The following CAMSAP3 variants were observed in gnomAD, a reference collection of about 807,000 sequenced individuals.
CAMSAP3 encodes calmodulin-regulated spectrin-associated protein 3.
A neutral mutation model predicts 112.5 loss-of-function variants in CAMSAP3; 34 were observed. The observed-to-expected ratio is 0.30, with a 90% CI of 0.23 to 0.40. The LOEUF is 0.40. Among genes scored for constraint, CAMSAP3 ranks in the 10% least tolerant of loss-of-function variants. The pLI is 1.00. For missense variants in CAMSAP3, 1,602 were observed against 1,770.3 expected (o/e 0.90, Z 1.71); for synonymous variants, 868 against 799.8 (o/e 1.09, Z -1.44).
At chr19:7,604,343 G>C (rs117166939) in intron 1 of CAMSAP3, among the ~76,000 whole-genome samples, 1 of 152,050 alleles carries the variant, frequency 6.6e-6, no homozygotes, top group South Asian at 2.1e-4. Context: ...ACCTCAGGCT[G>C]TCTCTATGAT....
rs576871568 is a variant in CAMSAP3 at position 7,615,403 on chromosome 19, C to T, written c.2811-15C>T. ...CCCGTGAGCGGTTCTGATGCCGATTCCCTGTGATCTGCAGGCTGGCCCAAG... is the reference window on the plus strand; with the variant it reads ...CCCGTGAGCGGTTCTGATGCCGATTTCCTGTGATCTGCAGGCTGGCCCAAG... On this transcript the variant is annotated splice_polypyrimidine_tract_variant and intron_variant, in intron 12 of 16. Transcript: ENST00000160298. The surrounding 1 kb of genome is among the most constrained non-coding windows in gnomAD (Gnocchi z 6.5). 1 of 1,539,460 alleles carries T rather than the reference C, an allele frequency of 6.5e-7. No individual in the cohort carries two copies. The highest frequency in any genetic ancestry group is 1.4e-5 in the African/African-American group (1 of 72,996).
Position 7,616,543 on chromosome 19 carries a change from T to C in CAMSAP3, c.3133T>C (p.Tyr1045His). 2 of 1,613,350 alleles carry C rather than the reference T, an allele frequency of 1.2e-6. No homozygotes were observed. Among genetic ancestry groups the C allele is most frequent in the Non-Finnish European group, 1.7e-6 (2 of 1,179,778 alleles). ...CCCAGGCTCTCGGCTGAGCAAAATC[T>C]ATTCCCAGTCCACCCTGTCACTGTC... is the stretch of plus-strand genomic sequence containing the variant. Reference protein sequence around the residue: ...GLLGSRLSKIYSQSTLSLSTV... With the variant: ...GLLGSRLSKIHSQSTLSLSTV... The change falls in exon 14 of 17, where the codon TAT (tyrosine) becomes CAT (histidine). Residue 1045 changes from tyrosine to histidine, a missense_variant. Physicochemically the swap from Tyr to His is moderately conservative, Grantham distance 83. Transcript: ENST00000160298.
In CAMSAP3 at chr19:7,615,427, A is replaced by G. The variant is rs1292580924; in HGVS notation, c.2820A>G (p.Gln940=). The G allele has an allele frequency of 1.9e-6, 3 of 1,541,002 alleles. No individual in the cohort carries two copies. The Admixed American group carries it at 5.9e-5, about 30-fold the overall frequency. ...TCCCTGTGATCTGCAGGCTGGCCCA[A>G]GAGGAGGCCCCGGGCCCAGCCCCGC... ...QRREEAARLA[Q]EEAPGPAPLV... is the part of the protein sequence containing the mutation. Residue 940 remains glutamine, a synonymous_variant, in exon 13 of 17, where the codon CAA becomes CAG. Transcript: ENST00000160298. This position sits in a 1 kb window ranked among gnomAD's most constrained non-coding sequence, Gnocchi z 6.5.
chr19:7,615,717 T>C lies in CAMSAP3; in HGVS notation c.3110T>C (p.Leu1037Pro). 1.4e-6 allele frequency: 2 copies of C among 1,386,624 alleles called. No individual in the cohort carries two copies. The highest frequency in any genetic ancestry group is 1.9e-6 in the Non-Finnish European group (2 of 1,077,138). 85.9% of individuals were successfully genotyped at this position (1,386,624 alleles called of 1,614,324 possible). ...GCACGAAGCCCAGCCCGCGGCCTGCTGGGTGAGGACCCTTGGGGGACGGGG... is the reference window on the plus strand; with the variant it reads ...GCACGAAGCCCAGCCCGCGGCCTGCCGGGTGAGGACCCTTGGGGGACGGGG... The part of the protein sequence containing the change: ...ALARSPARGL[L>P]GSRLSKIYSQ... The change falls in exon 13 of 17, where the codon CTG becomes CCG. Residue 1037 changes from leucine (L) to proline (P), a missense_variant and splice_region_variant. Transcript: ENST00000160298. This position sits in a 1 kb window ranked among gnomAD's most constrained non-coding sequence, Gnocchi z 6.5.
At chr19:7,606,223 C>CGCCTCCTGCAGCTCTCA in intron 2 of CAMSAP3, 48 bp from the exon 3 acceptor site, 1 of 1,353,204 alleles carries the variant, frequency 7.4e-7, no homozygotes, top group Non-Finnish European at 9.8e-7. Flanking sequence ...GGCCGAGGTG[C>CGCCTCCTGCAGCTCTCA]GCCTCCTGCA....
At chr19:7,603,677 C>A (rs925898420) in intron 1 of CAMSAP3, among the ~76,000 whole-genome samples, 8 of 152,088 alleles carry the variant, frequency 5.3e-5, no homozygotes. Context: ...GTGAGGCTTC[C>A]ATCTTTATAA....
Position 7,612,000 on chromosome 19 carries a change from G to A in CAMSAP3, c.1507G>A (p.Glu503Lys). Residue 503 changes from glutamate (E) to lysine (K), a missense_variant, in exon 11 of 17, where the codon GAG (glutamate) becomes AAG (lysine). By Grantham distance (56) the Glu-to-Lys change is moderately conservative. Transcript: ENST00000160298. The surrounding 1 kb of genome is among the most constrained non-coding windows in gnomAD (Gnocchi z 6.9). ...ATCCCTGGCCTCCCCCTACCTGCCC[G>A]AGGGGACCTCCAAACCACTGTCCGA... ...KPSLASPYLPEGTSKPLSDRP... is the reference protein window; with the variant it reads ...KPSLASPYLPKGTSKPLSDRP... 1 of 1,612,696 alleles carries A rather than the reference G, an allele frequency of 6.2e-7. No individual in the cohort carries two copies. Among genetic ancestry groups the A allele is most frequent in the East Asian group, 2.2e-5 (1 of 44,872 alleles).
intron 4 of CAMSAP3, 129 bp downstream of exon 4, chr19:7,606,700 C>G (rs954449363): frequency 1.9e-6 from 3 of 1,593,458 alleles, no homozygotes; most frequent in Non-Finnish European, 2.6e-6. Flanking sequence ...TTCTTCCCCC[C>G]TCTCTCAATC....
In CAMSAP3 at chr19:7,611,014, G is replaced by C. The variant is rs1036099963; in HGVS notation, c.1050-81G>C. On this transcript the variant is annotated intron_variant, in intron 8 of 16. Transcript: ENST00000160298. The surrounding 1 kb of genome is among the most constrained non-coding windows in gnomAD (Gnocchi z 6.9). ...CCTTGCTGAGCACTGGGACGCAGCT[G>C]GGTGATGCTGTTGTCTCCCCCCGGG... The C allele has an allele frequency of 5.0e-6, 8 of 1,590,376 alleles. No individual in the cohort carries two copies. Among genetic ancestry groups the C allele is most frequent in the Non-Finnish European group, 6.9e-6 (8 of 1,161,498 alleles).
rs748688250 is a variant in CAMSAP3, at chr19:7,606,522, G to A, written c.572G>A (p.Arg191Gln). 9.0e-6 allele frequency: 14 copies of A among 1,559,840 alleles called. No individual in the cohort carries two copies. Among genetic ancestry groups the A allele is most frequent in the Non-Finnish European group, 1.2e-5 (14 of 1,160,396 alleles). ...AAGACCGAGCAGGAAGCGGCCCAGC[G>A]AGCCTCTCCAGCAGCCCCTGCAGAC... ...QEKTEQEAAQ[R>Q]ASPAAPADGA... Residue 191 changes from arginine (R) to glutamine (Q), a missense_variant, in exon 4 of 17, where the codon CGA becomes CAA. Physicochemically the swap from Arg to Gln is conservative, Grantham distance 43. This residue lies in a region of CAMSAP3 where 112 missense variants were observed against 94.2 expected (regional missense o/e 1.19). Coordinates refer to ENST00000160298, the MANE Select transcript of CAMSAP3 (RefSeq NM_020902.2).
rs528088942 is a variant in CAMSAP3, at chr19:7,606,207, C to T, written c.403-64C>T. On this transcript the variant is annotated intron_variant, in intron 2 of 16. Coordinates refer to ENST00000160298, the MANE Select transcript of CAMSAP3 (RefSeq NM_020902.2). ...TGCAGGTTCTTCCTTTTCCCAGGCCCTTGGGGGCCGAGGTGCGCCTCCTGC... is the reference window on the plus strand; with the variant it reads ...TGCAGGTTCTTCCTTTTCCCAGGCCTTTGGGGGCCGAGGTGCGCCTCCTGC... 31 of 1,581,022 alleles carry T rather than the reference C, an allele frequency of 2.0e-5. No individual in the cohort carries two copies. The South Asian group carries it at 3.2e-4, about 16-fold the overall frequency.
rs2030563766 is a variant in CAMSAP3 at position 7,612,669 on chromosome 19, C to T, written c.2176C>T (p.Arg726Trp). ...GCAGAGGCTCACGGACCAGCAGCAG[C>T]GGCTCCTGGCCCCGCCCGAGGCCCC... ...DMQRLTDQQQ[R>W]LLAPPEAPGS... The change falls in exon 11 of 17, where the codon CGG becomes TGG. Residue 726 changes from arginine (R) to tryptophan (W), a missense_variant. Arg to Trp is a moderately radical substitution (Grantham distance 101). Around this residue, in one of 6 missense-constraint regions of CAMSAP3, gnomAD observed 1,100 missense variants for 1,135.7 expected, o/e 0.97. Coordinates refer to ENST00000160298, the MANE Select transcript of CAMSAP3 (RefSeq NM_020902.2). 2 of 1,511,684 alleles carry T rather than the reference C, an allele frequency of 1.3e-6. No homozygotes were observed. The highest frequency in any genetic ancestry group is 1.8e-6 in the Non-Finnish European group (2 of 1,131,916). 93.6% of individuals were successfully genotyped at this position (1,511,684 alleles called of 1,614,324 possible).
chr19:7,609,352 G>A (rs2030364883), intron 5 of CAMSAP3, among the ~76,000 whole-genome samples: 2 of 151,764 alleles, frequency 1.3e-5, no homozygotes, highest in South Asian at 4.2e-4. Context: ...AATAGAGATG[G>A]GGTCTTGCTA....
At position 7,611,813 on chromosome 19, in the gene CAMSAP3, C is replaced by T. The variant is rs754549842; in HGVS notation, c.1320C>T (p.Pro440=). ...CGGACAGCCTGGGCCCCCCGCGTCC[C>T]GCGCCGGCCAGGACCCCCACCCAGC... ...VSSDSLGPPR[P]APARTPTQPP... Residue 440 remains proline (P), a synonymous_variant, in exon 11 of 17, where the codon CCC becomes CCT. Coordinates refer to ENST00000160298, the MANE Select transcript of CAMSAP3 (RefSeq NM_020902.2). This position sits in a 1 kb window ranked among gnomAD's most constrained non-coding sequence, Gnocchi z 6.9. 9 of 1,593,522 alleles carry T rather than the reference C, an allele frequency of 5.6e-6. No homozygotes were observed. The African/African-American group carries it at 6.7e-5, about 12-fold the overall frequency.
Position 7,613,162 on chromosome 19 carries a change from A to G in CAMSAP3, c.2669A>G (p.Lys890Arg). Reference sequence around the variant, plus strand: ...CGGGTGGGGCTGGGGTTCTTCTACAAGGTGAGTCCCCGAGCAGGTGGCTGG... The same window carrying G: ...CGGGTGGGGCTGGGGTTCTTCTACAGGGTGAGTCCCCGAGCAGGTGGCTGG... ...EPRVGLGFFY[K>R]DEDKPEDEMA... is the part of the protein sequence containing the mutation. The change falls in exon 11 of 17, where the codon AAG (lysine) becomes AGG (arginine). Residue 890 changes from lysine (K) to arginine (R), a missense_variant and splice_region_variant. By Grantham distance (26) the Lys-to-Arg change is conservative. Around this residue, in one of 6 missense-constraint regions of CAMSAP3, gnomAD observed 1,100 missense variants for 1,135.7 expected, o/e 0.97. Transcript: ENST00000160298. 7.9e-7 allele frequency: 1 copy of G among 1,263,398 alleles called. No individual in the cohort carries two copies. Among genetic ancestry groups the G allele is most frequent in the Non-Finnish European group, 1.0e-6 (1 of 981,462 alleles). 78.3% of individuals were successfully genotyped at this position (1,263,398 alleles called of 1,614,324 possible).
Position 7,615,533 on chromosome 19 carries a change from G to A in CAMSAP3, c.2926G>A (p.Asp976Asn), listed in dbSNP as rs1430671567. The A allele has an allele frequency of 1.3e-6, 2 of 1,533,972 alleles. No individual in the cohort carries two copies. Among genetic ancestry groups the A allele is most frequent in the African/African-American group, 1.4e-5 (1 of 72,264 alleles). ...GGAGGAGGTGGGCCCCCGGAAGGGG[G>A]ACTTCACGCGGCAGGAGTACGAGCG... ...AEEEVGPRKG[D>N]FTRQEYERRA... Residue 976 changes from aspartate to asparagine, a missense_variant, in exon 13 of 17, where the codon GAC becomes AAC. Physicochemically the swap from Asp to Asn is conservative, Grantham distance 23. Around this residue, in one of 6 missense-constraint regions of CAMSAP3, gnomAD observed 1,100 missense variants for 1,135.7 expected, o/e 0.97. Coordinates refer to ENST00000160298, the MANE Select transcript of CAMSAP3 (RefSeq NM_020902.2). This position sits in a 1 kb window ranked among gnomAD's most constrained non-coding sequence, Gnocchi z 6.5.
intron 4 of CAMSAP3, among the ~76,000 whole-genome samples, chr19:7,606,968 C>T (rs370129901): frequency 1.3e-5 from 2 of 152,222 alleles, no homozygotes; most frequent in South Asian, 2.1e-4. Flanking sequence ...GGGAGAACCC[C>T]TCTGTGAACC....
chr19:7,605,147 G>GGTTGTGTGTGTGTGTGTGT (rs1555758284), intron 1 of CAMSAP3, 79 bp from the exon 2 acceptor site: 3 of 624,568 alleles, frequency 4.8e-6, no homozygotes, highest in Non-Finnish European at 7.7e-6. Context: ...CGGGCCATGT[G>GGTTGTGTGTGTGTGTGTGT]GTGTGTGTGT....
At position 7,615,639 on chromosome 19, in the gene CAMSAP3, G is replaced by A. The variant is rs768844977; in HGVS notation, c.3032G>A (p.Gly1011Asp). 1.4e-6 allele frequency: 2 copies of A among 1,433,218 alleles called. No individual in the cohort carries two copies. Among genetic ancestry groups the A allele is most frequent in the East Asian group, 2.7e-5 (1 of 36,962 alleles). The allele number at this position is 1,433,218 out of a possible 1,614,324, so 88.8% of individuals were successfully genotyped here. Residue 1011 changes from glycine (G) to aspartate (D), a missense_variant, in exon 13 of 17, where the codon GGC (glycine) becomes GAC (aspartate). By Grantham distance (94) the Gly-to-Asp change is moderately conservative (BLOSUM62 -1). Transcript: ENST00000160298. The surrounding 1 kb of genome is among the most constrained non-coding windows in gnomAD (Gnocchi z 6.5). The part of the protein sequence containing the change: ...RAAGSGGPGR[G>D]GRRATRPRSG... ...GCGGGGTCCGGGGGTCCAGGTCGGG[G>A]CGGGCGGAGGGCCACCCGGCCTCGC...
Sources: allele counts gnomAD v4.1 joint callset (sites outside exome capture counted in the v4.1 genomes callset), GRCh38; gene constraint gnomAD v4.1.1; regional missense constraint gnomAD v4.1.1; non-coding constraint Gnocchi (gnomAD v3.1); transcripts MANE v1.5; gene names NCBI Gene and HGNC (gene_info 2026-07-23, HGNC 2026-07-21).